The following LZTR1 variants were observed in gnomAD, a reference collection of about 807,000 sequenced individuals.
LZTR1 encodes the protein leucine zipper like post translational regulator 1.
Under a neutral mutation model 105.7 loss-of-function variants are expected in LZTR1, and 260 were observed. That is an observed-to-expected ratio of 2.46 (90% CI 2.22 to 2.72). The LOEUF (loss-of-function observed/expected upper bound fraction) is 2.72, where lower values mean the gene tolerates loss of function less well. LZTR1 is among the 30% of genes most tolerant of loss of function. The pLI is 0.00. For synonymous variants in LZTR1, 490 were observed against 476.4 expected, an observed-to-expected ratio of 1.03 and a Z score of -0.37; for missense variants, 1,214 against 1,166.9, an observed-to-expected ratio of 1.04 and a Z score of -0.59.
chr22:20,992,346 C>T lies in LZTR1; in HGVS notation c.1126C>T (p.Gln376Ter), dbSNP rs772293748. Residue 376 changes from glutamine to a stop codon, truncating the protein, a stop_gained, in exon 10 of 21, where the codon CAG (glutamine) becomes TAG (stop). Transcript: ENST00000646124. LOFTEE classifies it high-confidence loss of function. ...GLDFGTTSAK[Q>*]PTQPASELPS... The stretch of plus-strand genomic sequence containing the variant: ...GGACTTTGGCACCACCTCAGCCAAG[C>T]AGCCCACCCAGCCTGCCTCGGAGGT... 3.7e-6 allele frequency: 6 copies of T among 1,613,610 alleles called. No individual in the cohort carries two copies. The South Asian group carries it at 4.4e-5, about 12-fold the overall frequency.
rs145955180 is a variant in LZTR1 at position 20,991,727 on chromosome 22, T to A, written c.891T>A (p.Tyr297Ter). 3 of 1,583,466 alleles carry A rather than the reference T, an allele frequency of 1.9e-6. No individual in the cohort carries two copies. The highest frequency in any genetic ancestry group is 2.6e-6 in the Non-Finnish European group (3 of 1,165,110). The change falls in exon 9 of 21, where the codon TAT (tyrosine) becomes TAA (stop). Residue 297 changes from tyrosine to a stop codon, truncating the protein, a stop_gained. Coordinates refer to ENST00000646124, the MANE Select transcript of LZTR1 (RefSeq NM_006767.4). LOFTEE classifies it high-confidence loss of function. ...HTMVAFDRHL[Y>*]VFGGAADNTL... ...TGGTGGCCTTTGACCGCCACCTCTATGTGTTTGGGGGTGCGGCCGACAACA... is the reference window on the plus strand; with the variant it reads ...TGGTGGCCTTTGACCGCCACCTCTAAGTGTTTGGGGGTGCGGCCGACAACA...
At position 20,987,568 on chromosome 22, in the gene LZTR1, A is replaced by G. The variant is rs200390894; in HGVS notation, c.385A>G (p.Ser129Gly). 12 of 1,614,088 alleles carry G rather than the reference A, an allele frequency of 7.4e-6. No homozygotes were observed. The East Asian group carries it at 2.5e-4, about 33-fold the overall frequency. ...CCACTCGGCCGTCGTCTATGGGAGC[A>G]GCATGTTTGTCTTTGGTAAGCAGCC... is the stretch of plus-strand genomic sequence containing the variant. ...YHHSAVVYGS[S>G]MFVFGGYTGD... Residue 129 changes from serine to glycine, a missense_variant, in exon 4 of 21, where the codon AGC (serine) becomes GGC (glycine). By Grantham distance (56) the Ser-to-Gly change is moderately conservative. Transcript: ENST00000646124.
intron 14 of LZTR1, 29 bp downstream of exon 14, chr22:20,994,298 T>G (rs1483663719): frequency 1.3e-6 from 2 of 1,591,870 alleles, no homozygotes; most frequent in East Asian, 4.5e-5. Context: ...GGAGCAGGGT[T>G]GGTGTGGGCT....
intron 18 of LZTR1, 110 bp from the exon 19 acceptor site, chr22:20,996,586 G>C: frequency 1.3e-6 from 1 of 794,312 alleles, no homozygotes; most frequent in East Asian, 2.7e-5. Context: ...TCCATTTGGA[G>C]AGCATGCTGG....
rs11547572 is a variant in LZTR1, at chr22:20,998,254, G to A, written c.*906G>A. The A allele has an allele frequency of 8.0e-3, 1,227 of 152,474 alleles. 8 individuals carry two copies. The highest frequency in any genetic ancestry group is 0.057 in the Middle Eastern group (17 of 298). 9.4% of individuals were successfully genotyped at this position (152,474 alleles called of 1,614,324 possible). On this transcript the variant is annotated 3_prime_UTR_variant, in exon 21 of 21. Coordinates refer to ENST00000646124, the MANE Select transcript of LZTR1 (RefSeq NM_006767.4). ...GCTGTCAACTCCTGCCTCCACCTGG[G>A]GTCACCCAGTCACATTGGGAAGGGC...
rs750813513 is a variant in LZTR1, at chr22:20,994,972, C to A, written c.1888C>A (p.Arg630=). The A allele has an allele frequency of 6.2e-7, 1 of 1,613,104 alleles. No individual in the cohort carries two copies. Among genetic ancestry groups the A allele is most frequent in the Non-Finnish European group, 8.5e-7 (1 of 1,179,960 alleles). ...LSSPLIVEIV[R]RKQQPPPRTP... ...CTCTCCACTGATAGTGGAGATTGTGCGGCGGAAGCAGCAGCCGCCCCCTCG... is the reference window on the plus strand; with the variant it reads ...CTCTCCACTGATAGTGGAGATTGTGAGGCGGAAGCAGCAGCCGCCCCCTCG... Residue 630 remains arginine, a synonymous_variant, in exon 16 of 21, where the codon CGG becomes AGG. Coordinates refer to ENST00000646124, the MANE Select transcript of LZTR1 (RefSeq NM_006767.4).
intron 2 of LZTR1, among the ~76,000 whole-genome samples, chr22:20,983,607 A>G (rs8142657): frequency 0.018 from 2,745 of 152,274 alleles, 78 homozygotes; most frequent in African/African-American, 0.064. Flanking sequence ...GTATTTGCAC[A>G]TGACTAGTTG....
At chr22:20,995,918 C>T in intron 17 of LZTR1, 45 bp from the exon 18 acceptor site, 1 of 1,613,204 alleles carries the variant, frequency 6.2e-7, no homozygotes, top group Admixed American at 1.7e-5. Flanking sequence ...TGGATGGTGT[C>T]TTCGTTCTGC....
In LZTR1 at chr22:20,990,520, C is replaced by T. The variant is rs759517574; in HGVS notation, c.786C>T (p.Asp262=). ...ACCTCTTCCAGTTTGAATTCAAGGA[C>T]AAGACGTGAGTACTCTGGCCAGTGG... The part of the protein sequence containing the change: ...TNNLFQFEFK[D]KTWTRIPTEH... The change falls in exon 8 of 21, where the codon GAC becomes GAT. Residue 262 remains aspartate (D), a synonymous_variant. Transcript: ENST00000646124. 3 of 1,610,460 alleles carry T rather than the reference C, an allele frequency of 1.9e-6. No homozygotes were observed. The highest frequency in any genetic ancestry group is 4.5e-5 in the East Asian group (2 of 44,856).
intron 5 of LZTR1, 89 bp from the exon 6 acceptor site, chr22:20,988,700 C>G (rs536499548): frequency 1.1e-6 from 1 of 886,360 alleles, no homozygotes; most frequent in Admixed American, 1.8e-5. Context: ...TGCAGCCTGG[C>G]TGTGGCCCCT....
chr22:20,995,787 G>A lies in LZTR1; in HGVS notation c.1984G>A (p.Ala662Thr). 6.2e-7 allele frequency: 1 copy of A among 1,613,646 alleles called. No homozygotes were observed. Among genetic ancestry groups the A allele is most frequent in the Non-Finnish European group, 8.5e-7 (1 of 1,180,016 alleles). The change falls in exon 17 of 21, where the codon GCG becomes ACG. Residue 662 changes from alanine to threonine, a missense_variant. Physicochemically the swap from Ala to Thr is moderately conservative, Grantham distance 58 (BLOSUM62 0). Coordinates refer to ENST00000646124, the MANE Select transcript of LZTR1 (RefSeq NM_006767.4). ...IQDMKAYLEG[A>T]GAEFCDITLL... ...GGACATGAAGGCATACCTGGAGGGA[G>A]CGGGCGCGGAATTCTGTGACATCAC... is the stretch of plus-strand genomic sequence containing the variant.
intron 2 of LZTR1, among the ~76,000 whole-genome samples, chr22:20,983,487 A>T (rs1341583631): frequency 6.6e-6 from 1 of 152,186 alleles, no homozygotes; most frequent in Admixed American, 6.5e-5. Context: ...GTTTTCCCAA[A>T]TTGCTCCAAA....
chr22:20,990,064 CT>C (rs757897227), intron 7 of LZTR1, among the ~76,000 whole-genome samples: 60 of 152,280 alleles, frequency 3.9e-4, no homozygotes, highest in Non-Finnish European at 6.3e-4. Context: ...GGAGCTCCCC[CT>C]GGGCTTGCTT....
In LZTR1 at chr22:20,993,906, G is replaced by T; in HGVS notation, c.1354-18G>T. The T allele has an allele frequency of 6.2e-7, 1 of 1,607,792 alleles. No homozygotes were observed. Among genetic ancestry groups the T allele is most frequent in the Non-Finnish European group, 8.5e-7 (1 of 1,177,554 alleles). ...CGAGGGTCCTGTGCCCTCTGCCAGT[G>T]CATCATTCTTTGTGCAGAAGGAGGA... is the stretch of plus-strand genomic sequence containing the variant. On this transcript the variant is annotated intron_variant, in intron 12 of 20. Coordinates refer to ENST00000646124, the MANE Select transcript of LZTR1 (RefSeq NM_006767.4).
At position 20,997,986 on chromosome 22, in the gene LZTR1, G is replaced by A. The variant is rs941433088; in HGVS notation, c.*638G>A. The A allele has an allele frequency of 1.3e-5, 2 of 152,388 alleles. No homozygotes were observed. Among genetic ancestry groups the A allele is most frequent in the African/African-American group, 4.8e-5 (2 of 41,434 alleles). The allele number at this position is 152,388 out of a possible 1,614,324, so 9.4% of individuals were successfully genotyped here. A position where few individuals can be genotyped will look rare whatever the true frequency, so the allele number is the denominator to read the frequency against. On this transcript the variant is annotated 3_prime_UTR_variant, in exon 21 of 21. Coordinates refer to ENST00000646124, the MANE Select transcript of LZTR1 (RefSeq NM_006767.4). ...CTGGGCCAGGCCTGGTTTTCACAGG[G>A]GCTGAAGGATCCCAGTCCACCTGTG...
Position 20,997,311 on chromosome 22 carries a change from CAG to C in LZTR1, c.2488_2489del (p.Asp830GlnfsTer20), listed in dbSNP as rs769674821. On this transcript the variant is annotated frameshift_variant, in exon 21 of 21. Transcript: ENST00000646124. LOFTEE classifies it high-confidence loss of function. The stretch of plus-strand genomic sequence containing the variant: ...ATAGACTCCCTGGCCTCCCACATCT[CAG>C]ACAAGCAGTGCGCAGAGCTGGGCGC... The C allele has an allele frequency of 6.2e-7, 1 of 1,613,720 alleles. No individual in the cohort carries two copies. The highest frequency in any genetic ancestry group is 1.1e-5 in the South Asian group (1 of 91,074).
Position 20,996,002 on chromosome 22 carries a change from TGGGCAGGTGAACATCTCCATCGG to T in LZTR1, c.2112_2134del (p.Gln705AspfsTer69). 6.2e-7 allele frequency: 1 copy of T among 1,613,746 alleles called. No individual in the cohort carries two copies. Among genetic ancestry groups the T allele is most frequent in the Non-Finnish European group, 8.5e-7 (1 of 1,180,032 alleles). On this transcript the variant is annotated frameshift_variant, in exon 18 of 21. Coordinates refer to ENST00000646124, the MANE Select transcript of LZTR1 (RefSeq NM_006767.4). LOFTEE classifies it high-confidence loss of function. ...TGTTCCGGTCCTTCATGCCCGAAGA[TGGGCAGGTGAACATCTCCATCGG>T]GGAGATGGTGCCCAGCAGGCAGGCC...
At chr22:20,982,593 C>G (rs916845762) in intron 1 of LZTR1, 22 bp downstream of exon 1, 2 of 1,607,246 alleles carry the variant, frequency 1.2e-6, no homozygotes, top group Admixed American at 1.7e-5. Flanking sequence ...TTCATGGGGT[C>G]CTGAGGACAG....
intron 3 of LZTR1, chr22:20,986,307 A>G (rs1924377562): frequency 6.2e-6 from 1 of 161,520 alleles, no homozygotes; most frequent in African/African-American, 2.4e-5. Flanking sequence ...AAAACTCAGA[A>G]AAAAGCTAGG....
Sources: allele counts gnomAD v4.1 joint callset (sites outside exome capture counted in the v4.1 genomes callset), GRCh38; gene constraint gnomAD v4.1.1; transcripts MANE v1.5; gene names NCBI Gene and HGNC (gene_info 2026-07-23, HGNC 2026-07-21).